CTNNA1: variants seen among roughly 807,000 people sequenced by gnomAD.
CTNNA1 encodes the protein catenin alpha 1.
A neutral mutation model predicts 98.4 loss-of-function variants in CTNNA1; 37 were observed. The observed-to-expected ratio is 0.38, with a 90% CI of 0.29 to 0.49. The LOEUF is 0.49. Ranked by LOEUF, CTNNA1 falls within the 20% of genes least tolerant of loss-of-function variation. The pLI is 0.95. For missense variants in CTNNA1, 761 were observed against 1,147.2 expected, an observed-to-expected ratio of 0.66 and a Z score of 4.86; for synonymous variants, 404 against 413.2, an observed-to-expected ratio of 0.98 and a Z score of 0.27.
chr5:138,802,837 G>T (rs1030297316), intron 3 of CTNNA1, among the ~76,000 whole-genome samples: 5 of 152,168 alleles, frequency 3.3e-5, no homozygotes, highest in Admixed American at 1.3e-4. Flanking sequence ...TCTTGCGCTG[G>T]AGTGGTCTGG....
chr5:138,760,087 C>T (rs534984828), intron 1 of CTNNA1, among the ~76,000 whole-genome samples: 58 of 147,222 alleles, frequency 3.9e-4, no homozygotes, highest in Admixed American at 2.1e-3. Flanking sequence ...CTCCGCCTCC[C>T]GGGTTCAAGC....
intron 10 of CTNNA1, 150 bp from the exon 11 acceptor site, chr5:138,917,592 C>T: frequency 8.8e-6 from 6 of 681,480 alleles, no homozygotes; most frequent in African/African-American, 1.8e-5. Flanking sequence ...TCAACTTCAC[C>T]ATATAAAACT....
In CTNNA1 at chr5:138,824,736, C is replaced by T. The variant is rs148239804; in HGVS notation, c.795C>T (p.Asp265=). 17 of 1,614,062 alleles carry T rather than the reference C, an allele frequency of 1.1e-5. No individual in the cohort carries two copies. Among genetic ancestry groups the T allele is most frequent in the East Asian group, 2.2e-5 (1 of 44,890 alleles). Residue 265 remains aspartate, a synonymous_variant, in exon 6 of 18, where the codon GAC becomes GAT. Transcript: ENST00000302763. Reference sequence around the variant, plus strand: ...ATGCAGCCCAGGCCACTGCCTCAGACGATGCCTCACAGCACCAGGGTGGAG... The same window carrying T: ...ATGCAGCCCAGGCCACTGCCTCAGATGATGCCTCACAGCACCAGGGTGGAG... ...ISNAAQATAS[D]DASQHQGGGG...
rs1383896601 is a variant in CTNNA1 at position 138,925,261 on chromosome 5, C to G, written c.1753C>G (p.Pro585Ala). The stretch of plus-strand genomic sequence containing the variant: ...CTGTGCCTCTTTCTCCACAGTCATG[C>G]CACGTTTTACTGAGCAAGTAGAAGC... ...ATKLLSNTVM[P>A]RFTEQVEAAV... The change falls in exon 13 of 18, where the codon CCA (proline) becomes GCA (alanine). Residue 585 changes from proline (P) to alanine (A), a missense_variant. By Grantham distance (27) the Pro-to-Ala change is conservative (BLOSUM62 -1). Around this residue, in one of 6 missense-constraint regions of CTNNA1, gnomAD observed 287 missense variants for 436.0 expected, o/e 0.66. Transcript: ENST00000302763. 1 of 1,613,770 alleles carries G rather than the reference C, an allele frequency of 6.2e-7. No homozygotes were observed.
intron 13 of CTNNA1, among the ~76,000 whole-genome samples, chr5:138,926,236 C>T (rs1764006353): frequency 1.3e-5 from 2 of 152,194 alleles, no homozygotes; most frequent in Admixed American, 6.5e-5. Flanking sequence ...TTGGTCCTCC[C>T]CATGTGTCAC....
intron 8 of CTNNA1, among the ~76,000 whole-genome samples, chr5:138,886,562 A>G (rs1489837140): frequency 6.6e-6 from 1 of 152,174 alleles, no homozygotes; most frequent in African/African-American, 2.4e-5. Flanking sequence ...TAAATTTAAA[A>G]TGACTTGGAG....
At chr5:138,809,920 CTT>C in intron 3 of CTNNA1, 116 bp from the exon 4 acceptor site, 1 of 1,333,378 alleles carries the variant, frequency 7.5e-7, no homozygotes. Flanking sequence ...AATGAAAACT[CTT>C]AAACTAAATT....
At chr5:138,820,153 G>C (rs561232127) in intron 5 of CTNNA1, among the ~76,000 whole-genome samples, 1 of 151,798 alleles carries the variant, frequency 6.6e-6, no homozygotes, top group Non-Finnish European at 1.5e-5. Flanking sequence ...GGAGAGAAGA[G>C]GGGTAGATGG....
chr5:138,931,002 CATT>C, intron 16 of CTNNA1, 67 bp downstream of exon 16: 1 of 1,020,100 alleles, frequency 9.8e-7, no homozygotes, highest in South Asian at 1.3e-5. Context: ...CAGCCTGGTC[CATT>C]CAGGGTAAGT....
intron 1 of CTNNA1, among the ~76,000 whole-genome samples, chr5:138,780,156 A>G (rs151337576): frequency 1.2e-4 from 18 of 152,062 alleles, no homozygotes; most frequent in Admixed American, 5.9e-4. Context: ...GGTCATACAA[A>G]TGTACTTTTT....
chr5:138,931,588 A>G (rs553572419), intron 16 of CTNNA1: 461 of 985,290 alleles, frequency 4.7e-4, no homozygotes, highest in Non-Finnish European at 5.0e-4. Context: ...AATAGGGCCT[A>G]TTGCTTCCAT....
intron 1 of CTNNA1, among the ~76,000 whole-genome samples, chr5:138,767,478 A>G (rs1005106052): frequency 3.0e-4 from 45 of 152,314 alleles, no homozygotes; most frequent in African/African-American, 1.0e-3. Flanking sequence ...CCTGCCCTCA[A>G]ACAGTACGTC....
At chr5:138,839,862 C>G (rs1023116754) in intron 7 of CTNNA1, among the ~76,000 whole-genome samples, 9 of 152,208 alleles carry the variant, frequency 5.9e-5, no homozygotes, top group Non-Finnish European at 8.8e-5. Flanking sequence ...ACAGTTAGGA[C>G]TAGAACTAAG....
chr5:138,924,809 G>A (rs1173793477), intron 12 of CTNNA1, 99 bp downstream of exon 12: 12 of 1,133,360 alleles, frequency 1.1e-5, no homozygotes, highest in Non-Finnish European at 1.5e-5. Flanking sequence ...GGAGGAGTTG[G>A]GAACTCAGAT....
intron 10 of CTNNA1, among the ~76,000 whole-genome samples, chr5:138,907,337 CA>C (rs1478350774): frequency 1.3e-5 from 2 of 152,144 alleles, no homozygotes; most frequent in African/African-American, 4.8e-5. Context: ...TTATTTTAAA[CA>C]AAAATTCTGC....
At chr5:138,858,771 G>A (rs1225974776) in intron 7 of CTNNA1, among the ~76,000 whole-genome samples, 1 of 151,818 alleles carries the variant, frequency 6.6e-6, no homozygotes, top group East Asian at 1.9e-4. Flanking sequence ...AATTTTGTTT[G>A]TATTTTTAGT....
chr5:138,789,069 A>G (rs1368582409), intron 3 of CTNNA1, among the ~76,000 whole-genome samples: 1 of 152,128 alleles, frequency 6.6e-6, no homozygotes, highest in Non-Finnish European at 1.5e-5. Context: ...GCAACAGTAG[A>G]TTTCCTAGGA....
intron 7 of CTNNA1, among the ~76,000 whole-genome samples, chr5:138,867,983 C>T (rs1000602773): frequency 2.0e-5 from 3 of 152,182 alleles, no homozygotes; most frequent in Non-Finnish European, 2.9e-5. Context: ...AACTCTTGAC[C>T]GCAGGTGATC....
chr5:138,897,870 G>A (rs1434437557), intron 9 of CTNNA1, among the ~76,000 whole-genome samples: 2 of 152,172 alleles, frequency 1.3e-5, no homozygotes, highest in Non-Finnish European at 2.9e-5. Flanking sequence ...TTGTTCTCAA[G>A]GGGCATCAGG....
Sources: allele counts gnomAD v4.1 joint callset (sites outside exome capture counted in the v4.1 genomes callset), GRCh38; gene constraint gnomAD v4.1.1; regional missense constraint gnomAD v4.1.1; transcripts MANE v1.5; gene names NCBI Gene and HGNC (gene_info 2026-07-23, HGNC 2026-07-21).